CDYL2: variants seen among roughly 807,000 people sequenced by gnomAD.
CDYL2 encodes the protein chromodomain Y like 2.
A neutral mutation model predicts 49.4 loss-of-function variants in CDYL2; 23 were observed. That is an observed-to-expected ratio of 0.47 (90% confidence interval 0.34 to 0.66). The LOEUF is 0.66. Among genes scored for constraint, CDYL2 ranks in the 30% least tolerant of loss-of-function variants. The pLI is 0.01. For missense variants in CDYL2, 678 were observed against 656.4 expected, an observed-to-expected ratio of 1.03 and a Z score of -0.36; for synonymous variants, 360 against 268.8, an observed-to-expected ratio of 1.34 and a Z score of -3.32.
At chr16:80,720,195 G>A (rs762931574) in intron 1 of CDYL2, among the ~76,000 whole-genome samples, 2 of 152,132 alleles carry the variant, frequency 1.3e-5, no homozygotes, top group Non-Finnish European at 2.9e-5. Context: ...CTTGCTCAGA[G>A]GGCCCTTCTT....
rs766756492 is a variant in CDYL2 at position 80,755,400 on chromosome 16, C to T, written c.24+48750G>A. Among the ~76,000 whole-genome samples, 11 of 152,176 alleles carry T rather than the reference C, an allele frequency of 7.2e-5. No homozygotes were observed. The East Asian group carries it at 1.3e-3, about 19-fold the overall frequency. ...TCAGTGGAGAACCAGAGCCCATACT[C>T]GGCACTTCACAGTTTATCTGCAGAG... On this transcript the variant is annotated intron_variant, in intron 1 of 6. Coordinates refer to ENST00000570137, the MANE Select transcript of CDYL2 (RefSeq NM_152342.4).
At chr16:80,664,673 C>A (rs1377273384) in intron 2 of CDYL2, among the ~76,000 whole-genome samples, 1 of 152,156 alleles carries the variant, frequency 6.6e-6, no homozygotes, top group East Asian at 1.9e-4. Flanking sequence ...TCTGGCCTCC[C>A]AGATAGCCCT....
chr16:80,694,364 C>T (rs1910539016), intron 1 of CDYL2, among the ~76,000 whole-genome samples: 1 of 152,114 alleles, frequency 6.6e-6, no homozygotes, highest in South Asian at 2.1e-4. Flanking sequence ...GGAACCCCTG[C>T]TCTAGTTGGT....
chr16:80,703,358 C>T, intron 1 of CDYL2, among the ~76,000 whole-genome samples: 1 of 152,064 alleles, frequency 6.6e-6, no homozygotes, highest in South Asian at 2.1e-4. Context: ...CGACTGTGAA[C>T]CCCACGGCTT....
intron 1 of CDYL2, among the ~76,000 whole-genome samples, chr16:80,703,638 G>A (rs1904318260): frequency 6.6e-6 from 1 of 152,116 alleles, no homozygotes; most frequent in South Asian, 2.1e-4. Flanking sequence ...TGGTTACCAT[G>A]CATCACACTC....
intron 2 of CDYL2, among the ~76,000 whole-genome samples, chr16:80,668,287 T>G (rs998994665): frequency 1.3e-5 from 2 of 152,212 alleles, no homozygotes; most frequent in Non-Finnish European, 2.9e-5. Context: ...TTTACTCGGA[T>G]GTCAACTTGG....
At position 80,633,248 on chromosome 16, in the gene CDYL2, A is replaced by G; in HGVS notation, c.617-12T>C. On this transcript the variant is annotated splice_polypyrimidine_tract_variant and intron_variant, in intron 2 of 6. Transcript: ENST00000570137. ...GGTCAGAGCAGAGCCTTCCAAAACCAGATAAACAATGTAAGAAACTGAAAT... is the reference window on the plus strand; with the variant it reads ...GGTCAGAGCAGAGCCTTCCAAAACCGGATAAACAATGTAAGAAACTGAAAT... 1 of 1,607,584 alleles carries G rather than the reference A, an allele frequency of 6.2e-7. No homozygotes were observed. Among genetic ancestry groups the G allele is most frequent in the Non-Finnish European group, 8.5e-7 (1 of 1,174,750 alleles).
chr16:80,606,680 A>C (rs1423341350), intron 6 of CDYL2, among the ~76,000 whole-genome samples: 1 of 152,138 alleles, frequency 6.6e-6, no homozygotes. Context: ...GTCCCAACCC[A>C]AATCTCATCT....
At chr16:80,760,872 C>A (rs1294628075) in intron 1 of CDYL2, among the ~76,000 whole-genome samples, 1 of 151,866 alleles carries the variant, frequency 6.6e-6, no homozygotes, top group East Asian at 1.9e-4. Flanking sequence ...GTTGCACTCA[C>A]CCTGATGTTG....
At chr16:80,659,089 A>G (rs1908931817) in intron 2 of CDYL2, among the ~76,000 whole-genome samples, 1 of 145,468 alleles carries the variant, frequency 6.9e-6, no homozygotes, top group Non-Finnish European at 1.5e-5. Flanking sequence ...GGATGGATGG[A>G]TGGATGGATG....
Position 80,705,184 on chromosome 16 carries a change from G to A in CDYL2, c.25-20055C>T, listed in dbSNP as rs76094114. Among the ~76,000 whole-genome samples, 22 of 152,344 alleles carry A rather than the reference G, an allele frequency of 1.4e-4. 1 individual carries two copies. Among genetic ancestry groups the A allele is most frequent in the Admixed American group, 1.2e-3 (18 of 15,306 alleles). ...GAGCACCAAACATCTGGGACCAGAG[G>A]TGGCATCAGTTTCCTCTAGCAGGAT... On this transcript the variant is annotated intron_variant, in intron 1 of 6. Coordinates refer to ENST00000570137, the MANE Select transcript of CDYL2 (RefSeq NM_152342.4).
chr16:80,778,530 A>G (rs1330340524), intron 1 of CDYL2, among the ~76,000 whole-genome samples: 2 of 152,062 alleles, frequency 1.3e-5, no homozygotes, highest in Non-Finnish European at 2.9e-5. Context: ...TAACAAACTT[A>G]GGATCTGTAT....
chr16:80,716,449 C>T (rs1904802776), intron 1 of CDYL2, among the ~76,000 whole-genome samples: 1 of 150,762 alleles, frequency 6.6e-6, no homozygotes, highest in South Asian at 2.1e-4. Flanking sequence ...TGGATGGATG[C>T]ATGGATGGAT....
chr16:80,718,069 C>T (rs535792870), intron 1 of CDYL2, among the ~76,000 whole-genome samples: 15 of 152,298 alleles, frequency 9.8e-5, no homozygotes, highest in Non-Finnish European at 1.9e-4. Flanking sequence ...CTCTACTTTA[C>T]AGATGTAGCA....
intron 1 of CDYL2, among the ~76,000 whole-genome samples, chr16:80,763,441 CAA>C (rs1906607476): frequency 6.6e-6 from 1 of 151,214 alleles, no homozygotes; most frequent in Non-Finnish European, 1.5e-5. Context: ...CTGTCTCTAT[CAA>C]AAAGACAAAA....
chr16:80,771,628 G>A (rs1241504719), intron 1 of CDYL2, among the ~76,000 whole-genome samples: 7 of 151,932 alleles, frequency 4.6e-5, no homozygotes, highest in African/African-American at 1.2e-4. Flanking sequence ...TCACCTGAAC[G>A]CAGAAAATCG....
At chr16:80,767,982 T>G (rs1189030566) in intron 1 of CDYL2, among the ~76,000 whole-genome samples, 1 of 152,166 alleles carries the variant, frequency 6.6e-6, no homozygotes, top group African/African-American at 2.4e-5. Flanking sequence ...GCTCTTAAAA[T>G]GAATTAACCC....
intron 1 of CDYL2, among the ~76,000 whole-genome samples, chr16:80,772,433 C>T (rs1264777575): frequency 6.6e-6 from 1 of 152,170 alleles, no homozygotes; most frequent in East Asian, 1.9e-4. Flanking sequence ...TCTGAATTGT[C>T]TGGGAATAGT....
intron 1 of CDYL2, among the ~76,000 whole-genome samples, chr16:80,793,575 C>T (rs1344156284): frequency 2.0e-5 from 3 of 152,144 alleles, no homozygotes; most frequent in African/African-American, 7.2e-5. Context: ...TGAATATTTA[C>T]TGAAAAGCTA....
Sources: gnomAD v4.1 joint callset for allele counts (sites outside exome capture counted in the v4.1 genomes callset) on GRCh38, gnomAD v4.1.1 for gene constraint, MANE v1.5 for transcripts, NCBI Gene and HGNC (gene_info 2026-07-23, HGNC 2026-07-21) for gene names.